Variants in TUT7 observed in about 807,000 individuals in gnomAD.
TUT7 encodes terminal uridylyl transferase 7.
A neutral mutation model predicts 165.9 loss-of-function variants in TUT7; 33 were observed. The observed-to-expected ratio is 0.20, with a 90% CI of 0.15 to 0.27. TUT7 has a LOEUF of 0.27. TUT7 is among the 10% of genes least tolerant of loss of function. The probability of loss-of-function intolerance (pLI) is 1.00; values close to 1 mark genes in which losing one functional copy is unlikely to be tolerated. For missense variants in TUT7, 1,338 were observed against 1,762.3 expected, an observed-to-expected ratio of 0.76 and a Z score of 4.31; for synonymous variants, 552 against 608.1, an observed-to-expected ratio of 0.91 and a Z score of 1.36.
chr9:86,322,412 C>T lies in TUT7; in HGVS notation c.2941G>A (p.Asp981Asn). The change falls in exon 14 of 27, where the codon GAC (aspartate) becomes AAC (asparagine). Residue 981 changes from aspartate to asparagine, a missense_variant. Asp to Asn is a conservative substitution (Grantham distance 23). Transcript: ENST00000375963. ...EGHLKKDCPEDFKRIQLEPLP... is the reference protein window; with the variant it reads ...EGHLKKDCPENFKRIQLEPLP... ...GGTTCTAGCTGGATTCTTTTGAAGT[C>T]TTCAGGACAGTCCTTCTTTAGATGA... 1 of 1,614,064 alleles carries T rather than the reference C, an allele frequency of 6.2e-7. No individual in the cohort carries two copies. The highest frequency in any genetic ancestry group is 8.5e-7 in the Non-Finnish European group (1 of 1,179,970).
At chr9:86,348,807 A>G (rs1832010911) in intron 2 of TUT7, among the ~76,000 whole-genome samples, 1 of 152,116 alleles carries the variant, frequency 6.6e-6, no homozygotes, top group Admixed American at 6.5e-5. Flanking sequence ...TCTAACTAAC[A>G]ACATAAAAAC....
At chr9:86,340,187 G>C (rs1329893142) in intron 7 of TUT7, 82 bp from the exon 8 acceptor site, 10 of 1,163,776 alleles carry the variant, frequency 8.6e-6, no homozygotes, top group South Asian at 7.5e-5. Context: ...ACAAGTACCA[G>C]TTGTCCCTTA....
chr9:86,321,382 G>A (rs1364788911), intron 14 of TUT7, among the ~76,000 whole-genome samples: 1 of 151,632 alleles, frequency 6.6e-6, no homozygotes, highest in Non-Finnish European at 1.5e-5. Context: ...TTTTTTCTTG[G>A]CAGAGTAATG....
chr9:86,292,208 T>G (rs781373381), intron 26 of TUT7, among the ~76,000 whole-genome samples: 2 of 152,194 alleles, frequency 1.3e-5, no homozygotes, highest in Admixed American at 6.5e-5. Flanking sequence ...CATCCCTGGT[T>G]TGTAGGACAT....
chr9:86,310,151 T>C (rs1274246385), intron 18 of TUT7, 134 bp from the exon 19 acceptor site: 1 of 656,210 alleles, frequency 1.5e-6, no homozygotes, highest in Non-Finnish European at 2.5e-6. Flanking sequence ...ACTCCTGGGC[T>C]CAAGTGATCC....
In TUT7 at chr9:86,323,092, T is replaced by C; in HGVS notation, c.2658A>G (p.Ser886=). 6.2e-7 allele frequency: 1 copy of C among 1,614,244 alleles called. No homozygotes were observed. The highest frequency in any genetic ancestry group is 8.5e-7 in the Non-Finnish European group (1 of 1,180,042). The change falls in exon 13 of 27, where the codon TCA becomes TCG. Residue 886 remains serine, a synonymous_variant. Transcript: ENST00000375963. ...EDELDNTYTG[S]GDEDALSEED... ...CTTCAGATAGGGCGTCCTCATCCCC[T>C]GACCCAGTGTAGGTGTTGTCTAACT...
At chr9:86,319,170 A>T in intron 15 of TUT7, 112 bp from the exon 16 acceptor site, 3 of 662,804 alleles carry the variant, frequency 4.5e-6, no homozygotes, top group Non-Finnish European at 7.6e-6. Context: ...ATCCTATATT[A>T]ATCTCATACT....
chr9:86,310,072 T>TC, intron 18 of TUT7, 55 bp from the exon 19 acceptor site: 1 of 1,347,006 alleles, frequency 7.4e-7, no homozygotes, highest in Admixed American at 2.2e-5. Context: ...AAGGGTCTCT[T>TC]TTTTTTTTTT....
In TUT7 at chr9:86,325,521, A is replaced by G. The variant is rs771132753; in HGVS notation, c.1609-7T>C. 1 of 1,607,974 alleles carries G rather than the reference A, an allele frequency of 6.2e-7. No individual in the cohort carries two copies. The highest frequency in any genetic ancestry group is 8.5e-7 in the Non-Finnish European group (1 of 1,176,358). ...CATCCAATATTAATGACACCTATTA[A>G]TAGCAAAGAGAAACATACAGGTTAT... On this transcript the variant is annotated splice_region_variant and splice_polypyrimidine_tract_variant and intron_variant, in intron 11 of 26. Coordinates refer to ENST00000375963, the MANE Select transcript of TUT7 (RefSeq NM_024617.4).
chr9:86,289,246 C>T (rs909125832), intron 26 of TUT7, among the ~76,000 whole-genome samples: 1 of 152,152 alleles, frequency 6.6e-6, no homozygotes, highest in Non-Finnish European at 1.5e-5. Context: ...ATGAGGATTA[C>T]TGATTAAAAC....
At chr9:86,319,794 TTG>T (rs1829068285) in intron 14 of TUT7, 124 bp from the exon 15 acceptor site, 2 of 683,362 alleles carry the variant, frequency 2.9e-6, no homozygotes, top group Admixed American at 5.9e-5. Context: ...TCCTAAATCA[TTG>T]TGTCTTCTCA....
Position 86,341,048 on chromosome 9 carries a change from A to G in TUT7, c.1092T>C (p.Ser364=), listed in dbSNP as rs1298900147. 3 of 1,611,596 alleles carry G rather than the reference A, an allele frequency of 1.9e-6. No individual in the cohort carries two copies. Among genetic ancestry groups the G allele is most frequent in the South Asian group, 1.1e-5 (1 of 90,996 alleles). ...NIDIQFPAIM[S]QPDVLLLVQE... is the part of the protein sequence containing the mutation. ...GAACAAGTAAGAGGACATCTGGCTG[A>G]GACATCTAGGAAATAAATCAATGAA... is the stretch of plus-strand genomic sequence containing the variant. Residue 364 remains serine (S), a synonymous_variant, in exon 7 of 27, where the codon TCT becomes TCC. Coordinates refer to ENST00000375963, the MANE Select transcript of TUT7 (RefSeq NM_024617.4).
At chr9:86,305,129 T>C (rs2131325009) in intron 23 of TUT7, 63 bp downstream of exon 23, 3 of 1,441,228 alleles carry the variant, frequency 2.1e-6, no homozygotes, top group East Asian at 4.9e-5. Context: ...AGACCCTGTC[T>C]CTATTATAAA....
Position 86,323,774 on chromosome 9 carries a change from T to C in TUT7, c.1976A>G (p.Asn659Ser). The C allele has an allele frequency of 6.2e-7, 1 of 1,613,884 alleles. No individual in the cohort carries two copies. The highest frequency in any genetic ancestry group is 8.5e-7 in the Non-Finnish European group (1 of 1,179,916). Residue 659 changes from asparagine (N) to serine (S), a missense_variant, in exon 13 of 27, where the codon AAT becomes AGT. Asn to Ser is a conservative substitution (Grantham distance 46, BLOSUM62 1). Transcript: ENST00000375963. ...CISEHSKEVI[N>S]HHPDVQTKDD... Reference sequence around the variant, plus strand: ...TTTTGTTTGTACATCTGGATGATGATTTATTACTTCTTTAGAATGTTCTGA... The same window carrying C: ...TTTTGTTTGTACATCTGGATGATGACTTATTACTTCTTTAGAATGTTCTGA...
chr9:86,351,516 T>C (rs1182661186), intron 2 of TUT7, among the ~76,000 whole-genome samples: 4 of 152,228 alleles, frequency 2.6e-5, no homozygotes, highest in Non-Finnish European at 4.4e-5. Context: ...AAGTAGCACA[T>C]TTCCCCCCAT....
intron 17 of TUT7, among the ~76,000 whole-genome samples, chr9:86,313,929 G>A (rs1828470145): frequency 6.6e-6 from 1 of 152,156 alleles, no homozygotes; most frequent in Admixed American, 6.5e-5. Flanking sequence ...AAATCTGTGT[G>A]GCAGACAGAG....
chr9:86,330,263 C>T (rs984953506), intron 10 of TUT7, among the ~76,000 whole-genome samples: 2 of 151,976 alleles, frequency 1.3e-5, no homozygotes, highest in African/African-American at 4.8e-5. Context: ...AGTTTCACCA[C>T]GTTGGCCAGG....
intron 14 of TUT7, among the ~76,000 whole-genome samples, chr9:86,321,319 T>C (rs1168639759): frequency 6.6e-6 from 1 of 151,826 alleles, no homozygotes; most frequent in Non-Finnish European, 1.5e-5. Context: ...ATCGCACCAC[T>C]GCACTCCAGC....
chr9:86,302,997 G>A, intron 25 of TUT7, 89 bp downstream of exon 25: 2 of 597,508 alleles, frequency 3.3e-6, no homozygotes, highest in South Asian at 2.7e-5. Flanking sequence ...TTACACAAGT[G>A]TATTTTCTTT....
Sources: allele counts gnomAD v4.1 joint callset (sites outside exome capture counted in the v4.1 genomes callset), GRCh38; gene constraint gnomAD v4.1.1; transcripts MANE v1.5; gene names NCBI Gene and HGNC (gene_info 2026-07-23, HGNC 2026-07-21).